The following PRKG1 variants were observed in gnomAD, a reference collection of about 807,000 sequenced individuals.
The protein encoded by PRKG1 is protein kinase cGMP-dependent 1.
Under a neutral mutation model 88.1 loss-of-function variants are expected in PRKG1, and 35 were observed. The observed-to-expected ratio is 0.40, with a 90% CI of 0.30 to 0.53. PRKG1 has a LOEUF of 0.53. PRKG1 is among the 20% of genes least tolerant of loss of function. PRKG1 has a pLI of 0.59. For missense variants in PRKG1, 540 were observed against 839.8 expected (o/e 0.64, Z 4.41); for synonymous variants, 303 against 292.5 (o/e 1.04, Z -0.37).
chr10:52,130,112 C>T (rs777728951), intron 7 of PRKG1, among the ~76,000 whole-genome samples: 30 of 152,182 alleles, frequency 2.0e-4, no homozygotes, highest in Admixed American at 7.2e-4. Context: ...GTACTATATG[C>T]TCAATAAATG....
intron 3 of PRKG1, among the ~76,000 whole-genome samples, chr10:51,722,236 A>C (rs1464690813): frequency 6.6e-6 from 1 of 151,828 alleles, no homozygotes; most frequent in African/African-American, 2.4e-5. Context: ...CTCAAAAAAA[A>C]AAAAACAACA....
chr10:51,738,310 G>A (rs546586826), intron 3 of PRKG1, among the ~76,000 whole-genome samples: 4 of 152,232 alleles, frequency 2.6e-5, no homozygotes, highest in South Asian at 2.1e-4. Flanking sequence ...CAAAAGGGAC[G>A]TTTGTAGGAT....
chr10:51,221,289 A>G lies in PRKG1; in HGVS notation c.478+67959A>G, dbSNP rs189017485. Among the ~76,000 whole-genome samples, 177 of 152,162 alleles carry G rather than the reference A, an allele frequency of 1.2e-3. 4 individuals carry two copies. The East Asian group carries it at 0.028, about 24-fold the overall frequency. On this transcript the variant is annotated intron_variant, in intron 2 of 17. Coordinates refer to ENST00000373980, the MANE Select transcript of PRKG1 (RefSeq NM_006258.4). ...TTTTAATAAAATAGTCTCTCACATC[A>G]CATTTCTAATGAATGCATTAAAATT...
intron 6 of PRKG1, among the ~76,000 whole-genome samples, chr10:52,055,706 G>C (rs559110445): frequency 6.6e-6 from 1 of 152,248 alleles, no homozygotes; most frequent in Middle Eastern, 3.4e-3. Flanking sequence ...CATGTACTAA[G>C]TATAGAAGGA....
intron 2 of PRKG1, among the ~76,000 whole-genome samples, chr10:51,253,436 G>T (rs1056817389): frequency 1.6e-4 from 25 of 151,846 alleles, no homozygotes; most frequent in African/African-American, 5.8e-4. Context: ...TTGGGGAAAA[G>T]AACTCATCTT....
chr10:51,530,749 C>T (rs1841997509), intron 3 of PRKG1, among the ~76,000 whole-genome samples: 1 of 152,188 alleles, frequency 6.6e-6, no homozygotes, highest in African/African-American at 2.4e-5. Context: ...TGCCAAGAAC[C>T]GTCCCTCTCT....
intron 5 of PRKG1, among the ~76,000 whole-genome samples, chr10:51,993,193 T>C (rs1844355507): frequency 6.6e-6 from 1 of 152,200 alleles, no homozygotes; most frequent in African/African-American, 2.4e-5. Context: ...CCAGCACAAT[T>C]TTGTAATTTT....
At chr10:51,138,925 A>T (rs1449963558) in intron 1 of PRKG1, among the ~76,000 whole-genome samples, 1 of 151,628 alleles carries the variant, frequency 6.6e-6, no homozygotes, top group African/African-American at 2.4e-5. Context: ...CCCGTTGATC[A>T]GTGCTCCTCA....
chr10:51,971,984 T>C (rs1843723735), intron 5 of PRKG1, among the ~76,000 whole-genome samples: 1 of 152,148 alleles, frequency 6.6e-6, no homozygotes, highest in African/African-American at 2.4e-5. Context: ...CTTTGTTAAA[T>C]TAAATTAAAT....
At chr10:51,002,614 CAG>C (rs1842900934) in intron 1 of PRKG1, among the ~76,000 whole-genome samples, 1 of 152,146 alleles carries the variant, frequency 6.6e-6, no homozygotes, top group African/African-American at 2.4e-5. Context: ...AATATTCCCT[CAG>C]AGAGTGCCAT....
intron 3 of PRKG1, among the ~76,000 whole-genome samples, chr10:51,678,120 T>C (rs970425105): frequency 6.6e-6 from 1 of 152,170 alleles, no homozygotes. Context: ...AAAGAGGTCA[T>C]GCTTTCCCAG....
At chr10:51,054,890 T>G (rs1035440132) in intron 1 of PRKG1, among the ~76,000 whole-genome samples, 1 of 152,308 alleles carries the variant, frequency 6.6e-6, no homozygotes, top group South Asian at 2.1e-4. Flanking sequence ...TTGTGAGGCT[T>G]CTAATGGTCT....
chr10:52,190,288 C>T (rs1839329669), intron 9 of PRKG1, among the ~76,000 whole-genome samples: 2 of 152,056 alleles, frequency 1.3e-5, no homozygotes, highest in Admixed American at 6.6e-5. Context: ...ATTGAAATGA[C>T]ACAAATCCCA....
At chr10:51,429,149 C>T (rs1277288035) in intron 2 of PRKG1, among the ~76,000 whole-genome samples, 1 of 152,184 alleles carries the variant, frequency 6.6e-6, no homozygotes, top group Admixed American at 6.5e-5. Context: ...CTTATTGGCT[C>T]AACATGTTTG....
chr10:52,292,799 A>T (rs1224063436), intron 17 of PRKG1, among the ~76,000 whole-genome samples: 1 of 151,884 alleles, frequency 6.6e-6, no homozygotes, highest in Non-Finnish European at 1.5e-5. Context: ...CCCACAGCCA[A>T]TATCATACTG....
intron 4 of PRKG1, among the ~76,000 whole-genome samples, chr10:51,811,762 C>G (rs2339855): frequency 0.16 from 24,219 of 151,860 alleles, 2,812 homozygotes; most frequent in African/African-American, 0.33. Context: ...AAGATCTTGC[C>G]TAAGTTGTCA....
At chr10:52,290,871 T>C (rs1842223426) in intron 17 of PRKG1, among the ~76,000 whole-genome samples, 1 of 150,290 alleles carries the variant, frequency 6.7e-6, no homozygotes, top group Non-Finnish European at 1.5e-5. Flanking sequence ...AAAAAAGAAA[T>C]AAAATAACAC....
At chr10:52,027,891 T>A (rs965669256) in intron 5 of PRKG1, among the ~76,000 whole-genome samples, 3 of 152,082 alleles carry the variant, frequency 2.0e-5, no homozygotes, top group Non-Finnish European at 2.9e-5. Flanking sequence ...TGGATTCAAG[T>A]GATTCTCCTG....
At chr10:51,682,024 T>G (rs1257526466) in intron 3 of PRKG1, among the ~76,000 whole-genome samples, 1 of 152,180 alleles carries the variant, frequency 6.6e-6, no homozygotes, top group Non-Finnish European at 1.5e-5. Context: ...AAAGCACATT[T>G]TTTGGATAAT....
Sources: gnomAD v4.1 joint callset for allele counts (sites outside exome capture counted in the v4.1 genomes callset) on GRCh38, gnomAD v4.1.1 for gene constraint, MANE v1.5 for transcripts, NCBI Gene and HGNC (gene_info 2026-07-23, HGNC 2026-07-21) for gene names.